PCDHA1: variants seen among roughly 807,000 people sequenced by gnomAD.
PCDHA1 encodes the protein protocadherin alpha 1.
A neutral mutation model predicts 61.3 loss-of-function variants in PCDHA1; 42 were observed. That is an observed-to-expected ratio of 0.69 (90% CI 0.54 to 0.89). The LOEUF is 0.89. PCDHA1 is among the 40% of genes least tolerant of loss of function. The pLI, the probability that PCDHA1 is intolerant of heterozygous loss-of-function variation, is 0.00. For synonymous variants in PCDHA1, 610 were observed against 553.8 expected (o/e 1.10, Z -1.43); for missense variants, 1,256 against 1,235.3 (o/e 1.02, Z -0.25).
At chr5:140,877,921 T>C (rs2153357057) in intron 1 of PCDHA1, 1 of 1,422,868 alleles carries the variant, frequency 7.0e-7, no homozygotes, top group South Asian at 1.6e-5. Context: ...CTCATTTTTC[T>C]TTATGATTCT....
At chr5:140,851,973 C>A in intron 1 of PCDHA1, 1 of 976,422 alleles carries the variant, frequency 1.0e-6, no homozygotes, top group African/African-American at 1.8e-5. Flanking sequence ...CCACACTCTA[C>A]CTTTAGTGCA....
Position 140,927,154 on chromosome 5 carries a change from A to C in PCDHA1, c.2395-51795A>C, listed in dbSNP as rs141284501. 8 of 1,614,050 alleles carry C rather than the reference A, an allele frequency of 5.0e-6. No individual in the cohort carries two copies. The African/African-American group carries it at 8.0e-5, about 16-fold the overall frequency. On this transcript the variant is annotated intron_variant, in intron 1 of 3. Transcript: ENST00000504120. ...GCCGGCGGACCGCGAACAGCTGTGC[A>C]GGGCCAAAGCTGCCTGCGTCTTGAC...
At chr5:140,807,862 C>G (rs1764047483) in intron 1 of PCDHA1, 1 of 1,613,994 alleles carries the variant, frequency 6.2e-7, no homozygotes, top group Admixed American at 1.7e-5. Context: ...TGACTGGCAC[C>G]GTTCAGTTAC....
At chr5:140,836,745 C>A in intron 1 of PCDHA1, 1 of 1,588,116 alleles carries the variant, frequency 6.3e-7, no homozygotes, top group Non-Finnish European at 8.6e-7. Flanking sequence ...CAATGTGAGT[C>A]ATAAATAATC....
Position 140,796,432 on chromosome 5 carries a change from G to GT in PCDHA1, c.2394+7749dup, listed in dbSNP as rs1282378976. 3 of 1,613,550 alleles carry GT rather than the reference G, an allele frequency of 1.9e-6. No individual in the cohort carries two copies. The African/African-American group carries it at 4.0e-5, about 22-fold the overall frequency. ...TGCGGACGCGCAGGAGAACGCGCTG[G>GT]TGTCCTACTCGCTGGTGGAGCGGCG... is the stretch of plus-strand genomic sequence containing the variant. On this transcript the variant is annotated intron_variant, in intron 1 of 3. Coordinates refer to ENST00000504120, the MANE Select transcript of PCDHA1 (RefSeq NM_018900.4).
intron 1 of PCDHA1, chr5:140,850,741 C>G: frequency 6.3e-7 from 1 of 1,597,822 alleles, no homozygotes. Flanking sequence ...GGGAGTTGGT[C>G]GTACTCGCAG....
At chr5:140,876,938 T>C in intron 1 of PCDHA1, 1 of 1,613,716 alleles carries the variant, frequency 6.2e-7, no homozygotes, top group East Asian at 2.2e-5. Context: ...AAGAACGCGC[T>C]GGTGTCCTAC....
In PCDHA1 at chr5:140,933,676, AT is replaced by A. The variant is rs1400784175; in HGVS notation, c.2395-45265del. 1.4e-4 allele frequency among the ~76,000 whole-genome samples: 21 copies of A among 151,552 alleles called. 1 individual carries two copies. Among genetic ancestry groups the A allele is most frequent in the Admixed American group, 1.3e-3 (19 of 15,194 alleles). On this transcript the variant is annotated intron_variant, in intron 1 of 3. Coordinates refer to ENST00000504120, the MANE Select transcript of PCDHA1 (RefSeq NM_018900.4). Reference sequence around the variant, plus strand: ...CTGTCTCTCTCTCTGTCTCTCTCACATTTTTTTTCCTATTCCTCGGACACAT... The same window carrying A: ...CTGTCTCTCTCTCTGTCTCTCTCACATTTTTTTCCTATTCCTCGGACACAT...
chr5:140,830,098 G>T, intron 1 of PCDHA1: 1 of 1,613,644 alleles, frequency 6.2e-7, no homozygotes, highest in African/African-American at 1.3e-5. Flanking sequence ...TGGTGTCGCT[G>T]GTGGAGAGTG....
intron 1 of PCDHA1, chr5:140,796,764 C>T: frequency 6.2e-7 from 1 of 1,614,148 alleles, no homozygotes; most frequent in Non-Finnish European, 8.5e-7. Flanking sequence ...TGGACGCTGA[C>T]TCAGGCTACA....
At chr5:140,910,485 A>G (rs1251216481) in intron 1 of PCDHA1, among the ~76,000 whole-genome samples, 1 of 152,206 alleles carries the variant, frequency 6.6e-6, no homozygotes. Flanking sequence ...TGGCATACAG[A>G]GAAGAGCAAT....
At chr5:140,929,404 G>T (rs530409256) in intron 1 of PCDHA1, 1 of 1,506,596 alleles carries the variant, frequency 6.6e-7, no homozygotes, top group South Asian at 1.4e-5. Flanking sequence ...TCTTAGACAA[G>T]CCTTTCACAA....
intron 1 of PCDHA1, chr5:140,795,730 G>A (rs1554119559): frequency 6.2e-7 from 1 of 1,613,926 alleles, no homozygotes; most frequent in African/African-American, 1.3e-5. Flanking sequence ...AGAGAATACG[G>A]CAAATGGGAC....
intron 1 of PCDHA1, chr5:140,802,833 G>C (rs782195436): frequency 6.2e-7 from 1 of 1,613,478 alleles, no homozygotes; most frequent in African/African-American, 1.3e-5. Context: ...GCCGCCTCTG[G>C]GCAGCAACGT....
chr5:140,934,684 A>C (rs1026507859), intron 1 of PCDHA1, among the ~76,000 whole-genome samples: 9 of 152,178 alleles, frequency 5.9e-5, no homozygotes, highest in Non-Finnish European at 1.3e-4. Flanking sequence ...TATTCAAAAC[A>C]ATGAATTGAT....
chr5:140,841,405 C>T (rs2150314710), intron 1 of PCDHA1: 41 of 1,612,992 alleles, frequency 2.5e-5, no homozygotes, highest in Non-Finnish European at 3.4e-5. Flanking sequence ...AGGTGGGGAG[C>T]GGCCAGCTCC....
chr5:140,921,002 C>T (rs909094860), intron 1 of PCDHA1, among the ~76,000 whole-genome samples: 4 of 151,934 alleles, frequency 2.6e-5, no homozygotes, highest in Admixed American at 6.6e-5. Context: ...TTTTCAGAGT[C>T]AGGGTCTTGC....
chr5:140,856,311 G>C, intron 1 of PCDHA1: 1 of 1,598,566 alleles, frequency 6.3e-7, no homozygotes, highest in Non-Finnish European at 8.6e-7. Context: ...GTGAATTCTC[G>C]GATTGACCGC....
intron 1 of PCDHA1, among the ~76,000 whole-genome samples, chr5:140,891,739 C>T (rs1433506044): frequency 4.6e-5 from 7 of 152,116 alleles, no homozygotes; most frequent in Non-Finnish European, 2.9e-5. Flanking sequence ...AATTCAATCC[C>T]TTATACAACA....
Sources: gnomAD v4.1 joint callset for allele counts (sites outside exome capture counted in the v4.1 genomes callset) on GRCh38, gnomAD v4.1.1 for gene constraint, MANE v1.5 for transcripts, NCBI Gene and HGNC (gene_info 2026-07-23, HGNC 2026-07-21) for gene names.